NDRG2: variants seen among roughly 807,000 people sequenced by gnomAD.
NDRG2 encodes the protein protein NDRG2.
A neutral mutation model predicts 58.2 loss-of-function variants in NDRG2; 34 were observed. The observed-to-expected ratio is 0.58, with a 90% CI of 0.44 to 0.78. The LOEUF (loss-of-function observed/expected upper bound fraction) is 0.78, where lower values mean the gene tolerates loss of function less well. Ranked by LOEUF, NDRG2 falls within the 30% of genes least tolerant of loss-of-function variation. NDRG2 has a pLI of 0.00. For missense variants in NDRG2, 434 were observed against 471.2 expected (o/e 0.92, Z 0.73); for synonymous variants, 187 against 175.9 (o/e 1.06, Z -0.50).
chr14:21,052,229 T>A (rs556232201), intron 1 of NDRG2, among the ~76,000 whole-genome samples: 8 of 152,358 alleles, frequency 5.3e-5, no homozygotes, highest in African/African-American at 1.7e-4. Context: ...TGCCTGGCAC[T>A]ATGAAGACAG....
chr14:21,032,309 C>A (rs141897316), intron 1 of NDRG2: 107 of 627,304 alleles, frequency 1.7e-4, no homozygotes, highest in African/African-American at 1.6e-3. Flanking sequence ...GTTAGCATTC[C>A]TCCTCAACAG....
intron 1 of NDRG2, among the ~76,000 whole-genome samples, chr14:21,041,748 C>T (rs548819223): frequency 5.5e-4 from 84 of 152,342 alleles, no homozygotes; most frequent in African/African-American, 1.9e-3. Context: ...GCTGCCTTCT[C>T]CAGCTAAAGC....
intron 1 of NDRG2, among the ~76,000 whole-genome samples, chr14:21,045,585 T>A (rs1170226949): frequency 6.6e-6 from 1 of 152,248 alleles, no homozygotes; most frequent in East Asian, 1.9e-4. Flanking sequence ...TTATTCTTTT[T>A]TCACAACTCT....
In NDRG2 at chr14:21,046,082, T is replaced by C. The variant is rs562435012; in HGVS notation, c.25-22761A>G. ...ATACTTCTTAAGGGATTATTTTATT[T>C]ACATAATAAATCATAATACACCAAT... is the stretch of plus-strand genomic sequence containing the variant. On this transcript the variant is annotated intron_variant, in intron 1 of 14. Transcript: ENST00000403829. Among the ~76,000 whole-genome samples, 135 of 152,366 alleles carry C rather than the reference T, an allele frequency of 8.9e-4. 1 individual carries two copies. Among genetic ancestry groups the C allele is most frequent in the Non-Finnish European group, 2.2e-4 (15 of 68,032 alleles).
At chr14:21,069,596 C>T (rs1308691226) in intron 1 of NDRG2, among the ~76,000 whole-genome samples, 1 of 152,228 alleles carries the variant, frequency 6.6e-6, no homozygotes, top group Non-Finnish European at 1.5e-5. Context: ...CGCCCCCTAT[C>T]CCAAGCCTTC....
intron 1 of NDRG2, among the ~76,000 whole-genome samples, chr14:21,048,816 G>C (rs887462694): frequency 6.6e-6 from 1 of 152,148 alleles, no homozygotes; most frequent in Non-Finnish European, 1.5e-5. Flanking sequence ...ATTTAAACAA[G>C]GGAGGCCAAA....
At chr14:21,043,266 A>G in intron 1 of NDRG2, 1 of 1,614,222 alleles carries the variant, frequency 6.2e-7, no homozygotes, top group Non-Finnish European at 8.5e-7. Flanking sequence ...AGCCTGCAAG[A>G]ATGGCGATAA....
At chr14:21,035,312 T>C (rs985786078) in intron 1 of NDRG2, among the ~76,000 whole-genome samples, 3 of 152,234 alleles carry the variant, frequency 2.0e-5, no homozygotes, top group Non-Finnish European at 4.4e-5. Flanking sequence ...TTTGAAAGCA[T>C]AACCTGAACA....
intron 1 of NDRG2, among the ~76,000 whole-genome samples, chr14:21,059,823 C>G (rs1312355215): frequency 2.0e-5 from 3 of 152,184 alleles, no homozygotes; most frequent in South Asian, 2.1e-4. Context: ...TGGCGCTCAG[C>G]CCATAAAAGT....
At position 21,017,764 on chromosome 14, in the gene NDRG2, T is replaced by C. The variant is rs1877523153; in HGVS notation, c.950-2A>G. 1.2e-6 allele frequency: 2 copies of C among 1,600,866 alleles called. No homozygotes were observed. Among genetic ancestry groups the C allele is most frequent in the African/African-American group, 1.3e-5 (1 of 74,638 alleles). ...GGCGAGTCATGCAGGATGAGGCCAC[T>C]GTGGAGACAGCACGATGCACAAGCA... is the stretch of plus-strand genomic sequence containing the variant. On this transcript the variant is annotated splice_acceptor_variant, in intron 15 of 15. Transcript: ENST00000556147. LOFTEE classifies it high-confidence loss of function.
In NDRG2 at chr14:21,048,029, T is replaced by C. The variant is rs367988840; in HGVS notation, c.24+22799A>G. Reference sequence around the variant, plus strand: ...TGTCTGGGGCTCTGGGGGATAACCCTTGAGCTATGGCACCAAAAAACATAC... The same window carrying C: ...TGTCTGGGGCTCTGGGGGATAACCCCTGAGCTATGGCACCAAAAAACATAC... On this transcript the variant is annotated intron_variant, in intron 1 of 14. Transcript: ENST00000403829. 2.0e-5 allele frequency among the ~76,000 whole-genome samples: 3 copies of C among 152,248 alleles called. No individual in the cohort carries two copies. The South Asian group carries it at 6.2e-4, about 32-fold the overall frequency.
intron 3 of NDRG2, 56 bp from the exon 4 acceptor site, chr14:21,022,553 G>A: frequency 7.5e-7 from 1 of 1,330,852 alleles, no homozygotes. Context: ...GCCAGAAAAG[G>A]AGCAACACCA....
rs1877355333 is a variant in NDRG2 at position 21,017,495 on chromosome 14, T to C, written c.*101A>G. Reference sequence around the variant, plus strand: ...GGTCATCTCCCCGCATGATCTGCCCTTTTTCCCTTGCTTACGGTGGCCCAA... The same window carrying C: ...GGTCATCTCCCCGCATGATCTGCCCCTTTTCCCTTGCTTACGGTGGCCCAA... On this transcript the variant is annotated 3_prime_UTR_variant, in exon 16 of 16. Transcript: ENST00000556147. 7.5e-6 allele frequency: 10 copies of C among 1,340,102 alleles called. No homozygotes were observed. Among genetic ancestry groups the C allele is most frequent in the East Asian group, 2.5e-5 (1 of 39,876 alleles). The allele number at this position is 1,340,102 out of a possible 1,614,324, so 83.0% of individuals were successfully genotyped here. A position where few individuals can be genotyped will look rare whatever the true frequency, so the allele number is the denominator to read the frequency against.
chr14:21,030,650 T>A (rs1352745905), upstream of NDRG2: 2 of 1,613,962 alleles, frequency 1.2e-6, no homozygotes, highest in African/African-American at 2.7e-5. Context: ...GCAGTGGCAC[T>A]GAAATGAACA....
intron 4 of NDRG2, 73 bp from the exon 5 acceptor site, chr14:21,022,255 T>C: frequency 6.2e-7 from 1 of 1,607,846 alleles, no homozygotes; most frequent in Non-Finnish European, 8.5e-7. Flanking sequence ...AACTCACCCT[T>C]CCTTTCATGC....
At chr14:21,025,294 C>T (rs1883315415), upstream of NDRG2, 6 of 948,988 alleles carry the variant, frequency 6.3e-6, no homozygotes, top group South Asian at 2.4e-4. This position sits in a 1 kb window ranked among gnomAD's most constrained non-coding sequence, Gnocchi z 5.1. Flanking sequence ...CAAAACATTC[C>T]ACCACCCCCT....
intron 4 of NDRG2, 88 bp from the exon 5 acceptor site, chr14:21,022,270 G>C (rs1311948825): frequency 6.2e-7 from 1 of 1,600,192 alleles, no homozygotes; most frequent in African/African-American, 1.3e-5. Context: ...TCATGCCACA[G>C]TCAGACCAGG....
At position 21,024,903 on chromosome 14, in the gene NDRG2, C is replaced by A. The variant is rs902232016; in HGVS notation, c.-880G>T. 19 of 985,496 alleles carry A rather than the reference C, an allele frequency of 1.9e-5. No homozygotes were observed. The African/African-American group carries it at 3.0e-4, about 15-fold the overall frequency. The allele number at this position is 985,496 out of a possible 1,614,324, so 61.0% of individuals were successfully genotyped here. ...TCAGCCTTTGTGCGCAGCAACCGAG[C>A]GCCCGCTCCGTGCTGGCCCTTTCCC... On this transcript the variant is annotated 5_prime_UTR_variant, in exon 1 of 16. Transcript: ENST00000556147.
chr14:21,021,310 C>T, intron 6 of NDRG2: 1 of 358,240 alleles, frequency 2.8e-6, no homozygotes, highest in East Asian at 7.3e-5. Flanking sequence ...ACCAGAGCTG[C>T]TGAGCCCTGG....
Sources: allele counts gnomAD v4.1 joint callset (sites outside exome capture counted in the v4.1 genomes callset), GRCh38; gene constraint gnomAD v4.1.1; non-coding constraint Gnocchi (gnomAD v3.1); transcripts MANE v1.5; gene names NCBI Gene and HGNC (gene_info 2026-07-23, HGNC 2026-07-21).